LCORL: variants seen among roughly 807,000 people sequenced by gnomAD.
The protein encoded by LCORL is ligand dependent nuclear receptor corepressor like, also known as ligand-dependent nuclear receptor corepressor-like protein.
A neutral mutation model predicts 141.8 loss-of-function variants in LCORL; 41 were observed. That is an observed-to-expected ratio of 0.29 (90% CI 0.23 to 0.38). The LOEUF (loss-of-function observed/expected upper bound fraction) is 0.38. Among genes scored for constraint, LCORL ranks in the 10% least tolerant of loss-of-function variants. The pLI, the probability that LCORL is intolerant of heterozygous loss-of-function variation, is 1.00. For missense variants in LCORL, 1,759 were observed against 2,035.0 expected, an observed-to-expected ratio of 0.86 and a Z score of 2.61; for synonymous variants, 618 against 694.1, an observed-to-expected ratio of 0.89 and a Z score of 1.72.
intron 7 of LCORL, among the ~76,000 whole-genome samples, chr4:17,856,472 T>G (rs1724380056): frequency 6.6e-6 from 1 of 152,180 alleles, no homozygotes; most frequent in Non-Finnish European, 1.5e-5. Flanking sequence ...CTGCTGGACC[T>G]TGATCTTGGA....
chr4:17,890,467 G>A (rs905619572), intron 5 of LCORL, among the ~76,000 whole-genome samples: 2 of 151,954 alleles, frequency 1.3e-5, no homozygotes, highest in Non-Finnish European at 2.9e-5. Flanking sequence ...AGTTCCTTAA[G>A]AGAAGACAAA....
intron 7 of LCORL, among the ~76,000 whole-genome samples, chr4:17,861,579 C>T (rs965923132): frequency 5.3e-5 from 8 of 152,182 alleles, no homozygotes; most frequent in Non-Finnish European, 1.0e-4. Context: ...TGGAGATTAA[C>T]GTGTGGCTCC....
intron 1 of LCORL, among the ~76,000 whole-genome samples, chr4:18,000,901 A>G (rs1721843201): frequency 6.6e-6 from 1 of 152,208 alleles, no homozygotes; most frequent in Non-Finnish European, 1.5e-5. Context: ...TTTTCCATGT[A>G]GTTCTATTTA....
chr4:17,988,365 G>A (rs1719376842), intron 1 of LCORL, among the ~76,000 whole-genome samples: 1 of 152,104 alleles, frequency 6.6e-6, no homozygotes, highest in Non-Finnish European at 1.5e-5. Context: ...AGCACTTCCT[G>A]GGCTCGGGTG....
chr4:17,935,686 C>T (rs1736737693), intron 4 of LCORL, among the ~76,000 whole-genome samples: 1 of 152,166 alleles, frequency 6.6e-6, no homozygotes, highest in Admixed American at 6.5e-5. Context: ...CTCCCGGAGG[C>T]CCTCACCAGA....
chr4:17,878,200 C>T (rs1037250467), exon 7 of LCORL: 132 of 1,229,210 alleles, frequency 1.1e-4, no homozygotes, highest in Admixed American at 5.5e-4. Flanking sequence ...TCTGATTTTG[C>T]ATCAACAGTT....
At chr4:17,916,316 T>C (rs1416274268) in intron 4 of LCORL, among the ~76,000 whole-genome samples, 6 of 152,300 alleles carry the variant, frequency 3.9e-5, no homozygotes, top group South Asian at 2.1e-4. Context: ...GTTGTTTCAG[T>C]GATTGGCTTT....
intron 5 of LCORL, among the ~76,000 whole-genome samples, chr4:17,898,336 C>G (rs1254020433): frequency 6.6e-6 from 1 of 152,048 alleles, no homozygotes; most frequent in African/African-American, 2.4e-5. Context: ...TTTGACCCAG[C>G]CAGGTTTATT....
intron 1 of LCORL, among the ~76,000 whole-genome samples, chr4:17,981,481 A>T (rs1470687109): frequency 1.3e-5 from 2 of 152,138 alleles, no homozygotes; most frequent in Non-Finnish European, 2.9e-5. Flanking sequence ...CTTCAGCCAG[A>T]CACGGTGGCT....
At chr4:17,864,777 T>C (rs1404772190) in intron 7 of LCORL, among the ~76,000 whole-genome samples, 4 of 152,086 alleles carry the variant, frequency 2.6e-5, no homozygotes, top group African/African-American at 7.2e-5. Flanking sequence ...AAGACATAAA[T>C]AGGTTAAAAA....
chr4:17,997,965 G>C (rs1341863040), intron 1 of LCORL, among the ~76,000 whole-genome samples: 2 of 152,162 alleles, frequency 1.3e-5, no homozygotes, highest in African/African-American at 4.8e-5. Context: ...TCTGATAAAT[G>C]CATCTTTGAG....
At chr4:17,976,721 T>A (rs1359666058) in intron 1 of LCORL, among the ~76,000 whole-genome samples, 2 of 152,164 alleles carry the variant, frequency 1.3e-5, no homozygotes, top group Non-Finnish European at 2.9e-5. Context: ...CTCAATTTTT[T>A]AAAAAATGTT....
exon 8 of LCORL, chr4:17,844,225 T>C (rs566698697): frequency 2.0e-5 from 3 of 152,530 alleles, no homozygotes; most frequent in East Asian, 3.9e-4. Context: ...CACTATTCAC[T>C]GTCAATTTCA....
intron 4 of LCORL, among the ~76,000 whole-genome samples, chr4:17,941,192 C>T (rs1242439515): frequency 2.6e-5 from 4 of 152,138 alleles, no homozygotes; most frequent in South Asian, 4.1e-4. Flanking sequence ...CCGGCTAACA[C>T]GGTGAAACCC....
At chr4:17,963,529 T>C (rs901289708) in intron 2 of LCORL, among the ~76,000 whole-genome samples, 1 of 151,942 alleles carries the variant, frequency 6.6e-6, no homozygotes, top group Non-Finnish European at 1.5e-5. Context: ...TAAAAGTCTA[T>C]AGCTCAAAAG....
exon 6 of LCORL, chr4:17,886,118 T>C (rs1470926073): frequency 2.5e-6 from 4 of 1,606,896 alleles, no homozygotes; most frequent in Admixed American, 3.3e-5. Context: ...ACTCTTCAGA[T>C]TTTATGCTGG....
chr4:17,936,194 T>C (rs901781168), intron 4 of LCORL, among the ~76,000 whole-genome samples: 1 of 152,030 alleles, frequency 6.6e-6, no homozygotes, highest in Non-Finnish European at 1.5e-5. Context: ...TTGATCCAAA[T>C]ATAAAAGAAA....
At chr4:17,982,672 C>T (rs1362266608) in intron 1 of LCORL, among the ~76,000 whole-genome samples, 4 of 152,076 alleles carry the variant, frequency 2.6e-5, no homozygotes, top group East Asian at 1.9e-4. Flanking sequence ...GGAAATTAAC[C>T]TTTGTCAGAT....
chr4:17,947,770 C>G (rs1279523301), intron 4 of LCORL, among the ~76,000 whole-genome samples: 1 of 151,906 alleles, frequency 6.6e-6, no homozygotes, highest in East Asian at 1.9e-4. Context: ...TCTCACCAAT[C>G]AGAACAGATA....
Sources: allele counts gnomAD v4.1 joint callset (sites outside exome capture counted in the v4.1 genomes callset), GRCh38; gene constraint gnomAD v4.1.1; transcripts MANE v1.5; gene names NCBI Gene and HGNC (gene_info 2026-07-23, HGNC 2026-07-21).